The following CALN1 variants were observed in gnomAD, a reference collection of about 807,000 sequenced individuals.
CALN1 encodes the protein calcium-binding protein 8.
Under a neutral mutation model 30.6 loss-of-function variants are expected in CALN1, and 17 were observed. That is an observed-to-expected ratio of 0.56 (90% CI 0.38 to 0.83). The LOEUF is 0.83. CALN1 is among the 40% of genes least tolerant of loss of function. The pLI is 0.00. For missense variants in CALN1, 291 were observed against 354.9 expected, an observed-to-expected ratio of 0.82 and a Z score of 1.45; for synonymous variants, 156 against 131.4, an observed-to-expected ratio of 1.19 and a Z score of -1.28.
intron 2 of CALN1, among the ~76,000 whole-genome samples, chr7:72,361,713 C>T (rs1334835550): frequency 6.6e-6 from 1 of 151,942 alleles, no homozygotes; most frequent in Non-Finnish European, 1.5e-5. Context: ...GTGGGGAGAA[C>T]AAGGAGAAAG....
chr7:72,304,760 T>C (rs1427919882), intron 2 of CALN1, among the ~76,000 whole-genome samples: 1 of 152,182 alleles, frequency 6.6e-6, no homozygotes. Flanking sequence ...CATACATATA[T>C]ATTTATAGAG....
chr7:72,408,810 T>C (rs1252603693), intron 1 of CALN1, among the ~76,000 whole-genome samples: 1 of 150,072 alleles, frequency 6.7e-6, no homozygotes, highest in Admixed American at 6.7e-5. Flanking sequence ...CCTCAGTAGC[T>C]GGGACTACAG....
chr7:71,902,264 C>T (rs771324490), intron 5 of CALN1, among the ~76,000 whole-genome samples: 174 of 74,258 alleles, frequency 2.3e-3, no homozygotes, highest in African/African-American at 0.011. Flanking sequence ...AACCAACCAA[C>T]CAATCAAAAA....
intron 2 of CALN1, among the ~76,000 whole-genome samples, chr7:72,371,274 T>C (rs192533648): frequency 3.9e-5 from 6 of 152,264 alleles, no homozygotes; most frequent in Non-Finnish European, 8.8e-5. Flanking sequence ...AGGATTGAAG[T>C]ATGTATGTTT....
chr7:72,043,330 C>T (rs922537579), intron 4 of CALN1, among the ~76,000 whole-genome samples: 2 of 152,140 alleles, frequency 1.3e-5, no homozygotes, highest in African/African-American at 4.8e-5. Flanking sequence ...GTCCAGAACC[C>T]CCAGGAAGCC....
intron 5 of CALN1, among the ~76,000 whole-genome samples, chr7:71,963,606 A>G (rs1441121064): frequency 6.6e-6 from 1 of 152,138 alleles, no homozygotes; most frequent in Non-Finnish European, 1.5e-5. Flanking sequence ...TGCCCAGCCT[A>G]GGAAACTTTT....
At chr7:72,044,511 C>T (rs776964903) in intron 4 of CALN1, among the ~76,000 whole-genome samples, 3 of 151,878 alleles carry the variant, frequency 2.0e-5, no homozygotes, top group Non-Finnish European at 2.9e-5. Flanking sequence ...GAGAAACAGG[C>T]CTCTCAATTG....
At chr7:72,043,234 T>C (rs977021304) in intron 4 of CALN1, among the ~76,000 whole-genome samples, 2 of 152,150 alleles carry the variant, frequency 1.3e-5, no homozygotes, top group Non-Finnish European at 2.9e-5. Context: ...CAGGCTCTCC[T>C]AGTTCCTGAA....
At chr7:72,206,394 CTT>C (rs1158119168) in intron 3 of CALN1, among the ~76,000 whole-genome samples, 1 of 152,174 alleles carries the variant, frequency 6.6e-6, no homozygotes, top group Non-Finnish European at 1.5e-5. Flanking sequence ...TCAAACTCCT[CTT>C]CTTTTGACTG....
intron 5 of CALN1, among the ~76,000 whole-genome samples, chr7:71,924,062 G>A (rs920293501): frequency 8.6e-5 from 13 of 151,960 alleles, no homozygotes; most frequent in East Asian, 3.9e-4. Flanking sequence ...GCATGGTGGC[G>A]GCCACCTGTA....
chr7:71,797,656 G>A (rs1787010099), intron 6 of CALN1, among the ~76,000 whole-genome samples: 1 of 152,152 alleles, frequency 6.6e-6, no homozygotes, highest in Non-Finnish European at 1.5e-5. Context: ...AGGTTTGCTA[G>A]ACCCCAGACA....
chr7:72,291,210 A>G (rs749123100), intron 2 of CALN1, among the ~76,000 whole-genome samples: 15 of 152,324 alleles, frequency 9.8e-5, no homozygotes, highest in Non-Finnish European at 2.1e-4. Flanking sequence ...GATGTGAGCC[A>G]CTGCGCCTAG....
chr7:71,958,705 C>T (rs1430229757), intron 5 of CALN1, among the ~76,000 whole-genome samples: 2 of 152,228 alleles, frequency 1.3e-5, no homozygotes, highest in African/African-American at 4.8e-5. Context: ...ACTTGCGTTG[C>T]CATCCTTCAG....
rs561875840 is a variant in CALN1 at position 71,932,640 on chromosome 7, C to T, written c.501+91017G>A. On this transcript the variant is annotated intron_variant, in intron 5 of 6. Transcript: ENST00000395275. ...CATCCTGGCTAACACGGTGAAACCC[C>T]GTCTCTACTAAAAATACAAAAAAAA... Among the ~76,000 whole-genome samples the T allele has an allele frequency of 8.9e-4, 135 of 151,522 alleles. 2 individuals are homozygous for T. The highest frequency in any genetic ancestry group is 2.8e-4 in the Non-Finnish European group (19 of 67,876).
At chr7:71,960,371 G>A (rs578188580) in intron 5 of CALN1, among the ~76,000 whole-genome samples, 29 of 152,000 alleles carry the variant, frequency 1.9e-4, no homozygotes, top group Middle Eastern at 3.4e-3. Context: ...CATTCCCTCC[G>A]TACATCCATC....
chr7:72,188,572 G>A (rs1455421396), intron 3 of CALN1, among the ~76,000 whole-genome samples: 1 of 151,830 alleles, frequency 6.6e-6, no homozygotes, highest in Non-Finnish European at 1.5e-5. Flanking sequence ...AGGGGGGTGA[G>A]GAATAAAAAA....
chr7:71,809,464 C>CAAAAAAAAAAAAAAAAAAAAAA (rs10682965), intron 6 of CALN1, among the ~76,000 whole-genome samples: 38 of 108,386 alleles, frequency 3.5e-4, no homozygotes, highest in East Asian at 7.8e-4. Flanking sequence ...TTTAAATGTT[C>CAAAAAAAAAAAAAAAAAAAAAA]AAAAAAAAAA....
chr7:72,351,807 G>A (rs892632709), intron 2 of CALN1, among the ~76,000 whole-genome samples: 3 of 151,958 alleles, frequency 2.0e-5, no homozygotes, highest in African/African-American at 7.3e-5. Context: ...ATAGCAAGAT[G>A]GTACATTTAC....
intron 3 of CALN1, among the ~76,000 whole-genome samples, chr7:72,192,125 G>A (rs1311430701): frequency 2.6e-5 from 4 of 152,048 alleles, no homozygotes; most frequent in South Asian, 2.1e-4. Flanking sequence ...GCAGAAGGTC[G>A]GACATCATAC....
Sources: gnomAD v4.1 joint callset for allele counts (sites outside exome capture counted in the v4.1 genomes callset) on GRCh38, gnomAD v4.1.1 for gene constraint, MANE v1.5 for transcripts, NCBI Gene and HGNC (gene_info 2026-07-23, HGNC 2026-07-21) for gene names.